LRRC4C: variants seen among roughly 807,000 people sequenced by gnomAD.
LRRC4C encodes the protein leucine rich repeat containing 4C.
In LRRC4C, 5 loss-of-function variants were observed where a neutral mutation model predicts 33.6. That is an observed-to-expected ratio of 0.15 (90% confidence interval 0.08 to 0.31). LRRC4C has a LOEUF of 0.31. LRRC4C is among the 10% of genes least tolerant of loss of function. The pLI, the probability that LRRC4C is intolerant of heterozygous loss-of-function variation, is 1.00. For synonymous variants in LRRC4C, 329 were observed against 302.0 expected, an observed-to-expected ratio of 1.09 and a Z score of -0.93; for missense variants, 560 against 796.7, an observed-to-expected ratio of 0.70 and a Z score of 3.58.
chr11:40,247,739 G>C (rs1705317249), intron 4 of LRRC4C, among the ~76,000 whole-genome samples: 4 of 152,136 alleles, frequency 2.6e-5, no homozygotes, highest in Admixed American at 2.6e-4. Flanking sequence ...TGTCCAGATA[G>C]AGAGGTCATG....
chr11:40,177,157 G>T (rs1026473117), intron 5 of LRRC4C, among the ~76,000 whole-genome samples: 3 of 151,854 alleles, frequency 2.0e-5, no homozygotes, highest in Non-Finnish European at 4.4e-5. Flanking sequence ...GTTTCATTGT[G>T]TTAGCCAGGA....
At chr11:40,823,648 A>G (rs1022832984) in intron 2 of LRRC4C, among the ~76,000 whole-genome samples, 4 of 151,844 alleles carry the variant, frequency 2.6e-5, no homozygotes, top group Non-Finnish European at 5.9e-5. Context: ...ACAATGAAAT[A>G]CCACAGCACA....
At chr11:40,431,385 A>T (rs1294464460) in intron 3 of LRRC4C, among the ~76,000 whole-genome samples, 7 of 94,550 alleles carry the variant, frequency 7.4e-5, no homozygotes, top group African/African-American at 3.4e-4. Context: ...ACAGGGCGAG[A>T]CTCTGTCTCA....
chr11:40,185,888 C>G (rs4073824), intron 5 of LRRC4C, among the ~76,000 whole-genome samples: 5 of 152,178 alleles, frequency 3.3e-5, no homozygotes, highest in African/African-American at 9.6e-5. Flanking sequence ...GTCCCTCCCC[C>G]TTCCCGTGGT....
intron 6 of LRRC4C, among the ~76,000 whole-genome samples, chr11:40,137,519 T>A (rs1857064328): frequency 6.6e-6 from 1 of 152,110 alleles, no homozygotes; most frequent in African/African-American, 2.4e-5. Flanking sequence ...GACTACCCAC[T>A]ACCCTCTCCT....
intron 3 of LRRC4C, among the ~76,000 whole-genome samples, chr11:40,431,606 T>C (rs1454496287): frequency 6.6e-6 from 1 of 152,020 alleles, no homozygotes; most frequent in East Asian, 1.9e-4. Flanking sequence ...GTGTTAAAAG[T>C]CCCCAAATAT....
chr11:41,376,788 T>C (rs1952951448), intron 1 of LRRC4C, among the ~76,000 whole-genome samples: 1 of 152,044 alleles, frequency 6.6e-6, no homozygotes, highest in South Asian at 2.1e-4. Flanking sequence ...ATTTGAGTAA[T>C]AGAGTTACAG....
chr11:40,581,062 GTCT>G (rs553151268), intron 3 of LRRC4C, among the ~76,000 whole-genome samples: 5 of 151,740 alleles, frequency 3.3e-5, no homozygotes, highest in Non-Finnish European at 7.3e-5. Context: ...ATCAAGCCTG[GTCT>G]TCTTGTTTTT....
intron 3 of LRRC4C, among the ~76,000 whole-genome samples, chr11:40,434,611 A>G (rs1951071268): frequency 6.8e-6 from 1 of 147,430 alleles, no homozygotes; most frequent in South Asian, 2.2e-4. Flanking sequence ...TAAGAACTCA[A>G]TCAGGTGGGG....
chr11:40,492,818 G>A (rs1245868471), intron 3 of LRRC4C, among the ~76,000 whole-genome samples: 1 of 152,104 alleles, frequency 6.6e-6, no homozygotes, highest in Non-Finnish European at 1.5e-5. Context: ...GATATCTGCA[G>A]TTATTTTTTC....
intron 2 of LRRC4C, among the ~76,000 whole-genome samples, chr11:40,856,448 T>C (rs2135791452): frequency 6.6e-6 from 1 of 152,338 alleles, no homozygotes; most frequent in East Asian, 1.9e-4. Context: ...TTTTCCTATG[T>C]TCAGAAGAAA....
chr11:40,631,873 T>C (rs1324383936), intron 3 of LRRC4C, among the ~76,000 whole-genome samples: 2 of 152,224 alleles, frequency 1.3e-5, no homozygotes, highest in African/African-American at 4.8e-5. Flanking sequence ...TATTGGCAGA[T>C]ATTATTATAA....
At chr11:40,502,265 T>C (rs1337586568) in intron 3 of LRRC4C, among the ~76,000 whole-genome samples, 1 of 152,212 alleles carries the variant, frequency 6.6e-6, no homozygotes, top group Non-Finnish European at 1.5e-5. Context: ...TCATCCAAAA[T>C]GTTCCAATCT....
At chr11:40,835,535 C>T (rs377286747) in intron 2 of LRRC4C, among the ~76,000 whole-genome samples, 5 of 152,066 alleles carry the variant, frequency 3.3e-5, no homozygotes, top group Admixed American at 1.3e-4. Flanking sequence ...ACACAGATAA[C>T]GTACTAATGA....
intron 1 of LRRC4C, among the ~76,000 whole-genome samples, chr11:41,418,014 C>CA (rs1425630867): frequency 2.6e-5 from 4 of 151,178 alleles, no homozygotes; most frequent in African/African-American, 9.7e-5. Flanking sequence ...ATAGACCCCC[C>CA]CACACACACA....
intron 2 of LRRC4C, among the ~76,000 whole-genome samples, chr11:40,930,445 TTAATA>T (rs1287901139): frequency 1.6e-4 from 24 of 152,152 alleles, no homozygotes; most frequent in Non-Finnish European, 8.8e-5. Flanking sequence ...CTAAATAGAA[TTAATA>T]TAATAGAATT....
chr11:40,222,918 G>A (rs1420377839), intron 5 of LRRC4C, among the ~76,000 whole-genome samples: 1 of 152,160 alleles, frequency 6.6e-6, no homozygotes, highest in African/African-American at 2.4e-5. Context: ...AGGAAAGACA[G>A]TAGAGGCAGA....
intron 1 of LRRC4C, among the ~76,000 whole-genome samples, chr11:40,994,541 A>ATACCCAGG (rs1321196076): frequency 1.3e-5 from 2 of 152,130 alleles, no homozygotes; most frequent in Non-Finnish European, 2.9e-5. Context: ...TCCTACCCAT[A>ATACCCAGG]GTTGAAAACC....
At chr11:41,403,338 G>A (rs1305792098) in intron 1 of LRRC4C, among the ~76,000 whole-genome samples, 1 of 152,012 alleles carries the variant, frequency 6.6e-6, no homozygotes, top group African/African-American at 2.4e-5. Context: ...GCCTACAGAG[G>A]TAGATAAAGG....
Sources: gnomAD v4.1 joint callset for allele counts (sites outside exome capture counted in the v4.1 genomes callset) on GRCh38, gnomAD v4.1.1 for gene constraint, MANE v1.5 for transcripts, NCBI Gene and HGNC (gene_info 2026-07-23, HGNC 2026-07-21) for gene names.